The following CACNA1C variants were observed in gnomAD, a reference collection of about 807,000 sequenced individuals.
CACNA1C encodes calcium voltage-gated channel subunit alpha1 C.
Under a neutral mutation model 229.0 loss-of-function variants are expected in CACNA1C, and 30 were observed. That is an observed-to-expected ratio of 0.13 (90% CI 0.10 to 0.18). CACNA1C has a LOEUF of 0.18. Ranked by LOEUF, CACNA1C falls within the 10% of genes least tolerant of loss-of-function variation. CACNA1C has a pLI of 1.00. For missense variants in CACNA1C, 1,658 were observed against 2,845.0 expected, an observed-to-expected ratio of 0.58 and a Z score of 9.49; for synonymous variants, 1,114 against 1,132.5, an observed-to-expected ratio of 0.98 and a Z score of 0.33.
Position 2,054,525 on chromosome 12 carries a change from A to C in CACNA1C, c.49+914A>C, listed in dbSNP as rs1169905241. On this transcript the variant is annotated intron_variant, in intron 1 of 46. Coordinates refer to ENST00000399655, the MANE Select transcript of CACNA1C (RefSeq NM_000719.7). The surrounding 1 kb of genome is among the most constrained non-coding windows in gnomAD (Gnocchi z 5.5). ...TCACCAGCTCCCCCTGTGATGGTGA[A>C]AGGCAGTCAGGTAACTCCCTACTTC... Among the ~76,000 whole-genome samples the C allele has an allele frequency of 3.3e-5, 5 of 152,088 alleles. No individual in the cohort carries two copies.
intron 6 of CACNA1C, among the ~76,000 whole-genome samples, chr12:2,489,182 A>G (rs1400597084): frequency 1.3e-5 from 2 of 152,318 alleles, no homozygotes; most frequent in South Asian, 2.1e-4. Context: ...TAGATTACAC[A>G]AAAGTGCTTT....
intron 1 of CACNA1C, among the ~76,000 whole-genome samples, chr12:2,092,941 A>G (rs1026433826): frequency 1.3e-5 from 2 of 152,194 alleles, no homozygotes; most frequent in Admixed American, 6.5e-5. Flanking sequence ...CCCTTCACCT[A>G]AAACCATTGC....
intron 9 of CACNA1C, among the ~76,000 whole-genome samples, chr12:2,533,540 C>T (rs1245336606): frequency 2.0e-5 from 3 of 152,214 alleles, no homozygotes; most frequent in East Asian, 3.9e-4. Context: ...TGGAAGTCCC[C>T]AGCCATGTTC....
intron 3 of CACNA1C, among the ~76,000 whole-genome samples, chr12:2,386,592 T>C (rs949178138): frequency 5.3e-5 from 8 of 152,214 alleles, no homozygotes; most frequent in Non-Finnish European, 1.2e-4. Flanking sequence ...CTCAGTACTT[T>C]GTCCTGTGTG....
chr12:2,106,612 C>G (rs1161308539), intron 1 of CACNA1C, among the ~76,000 whole-genome samples: 1 of 105,354 alleles, frequency 9.5e-6, no homozygotes, highest in African/African-American at 3.5e-5. Flanking sequence ...GTTTCCACCT[C>G]AGCTGGGCAT....
chr12:2,407,238 T>A (rs1480843456), intron 3 of CACNA1C, among the ~76,000 whole-genome samples: 1 of 152,218 alleles, frequency 6.6e-6, no homozygotes, highest in Non-Finnish European at 1.5e-5. Context: ...CTAGTTGGGG[T>A]GGAAGTTCAG....
chr12:2,453,745 C>A (rs1490389508), intron 4 of CACNA1C, among the ~76,000 whole-genome samples: 1 of 152,194 alleles, frequency 6.6e-6, no homozygotes, highest in African/African-American at 2.4e-5. Context: ...GCCAACTTTT[C>A]TGTAAGGGCC....
intron 1 of CACNA1C, among the ~76,000 whole-genome samples, chr12:2,057,591 T>G (rs1594601151): frequency 6.6e-6 from 1 of 152,182 alleles, no homozygotes; most frequent in Non-Finnish European, 1.5e-5. Context: ...GCGGCATCAC[T>G]GAGGGACCCA....
intron 1 of CACNA1C, among the ~76,000 whole-genome samples, chr12:1,998,491 C>T (rs1398512811): frequency 6.6e-6 from 1 of 152,112 alleles, no homozygotes; most frequent in Non-Finnish European, 1.5e-5. Context: ...GCAATGATGC[C>T]ACAGAGTTCT....
chr12:2,613,221 C>T (rs73038815), intron 29 of CACNA1C: 2,611 of 152,256 alleles, frequency 0.017, 28 homozygotes, highest in Middle Eastern at 0.027. Context: ...TGTATATCAT[C>T]GCACGTCATT....
intron 3 of CACNA1C, among the ~76,000 whole-genome samples, chr12:2,237,970 T>C (rs1273627586): frequency 6.6e-6 from 1 of 152,204 alleles, no homozygotes; most frequent in African/African-American, 2.4e-5. Flanking sequence ...TAGGTTTTAG[T>C]ATTGAAGACC....
Position 2,679,801 on chromosome 12 carries a change from G to T in CACNA1C, c.5444+5G>T, listed in dbSNP as rs1471057360. ...GTGGAAGCTCAGCTCCAACAGGTAA[G>T]TGGGAGGCTGGCCACCCCAGGCGGC... On this transcript the variant is annotated splice_donor_5th_base_variant and intron_variant, in intron 42 of 46. Transcript: ENST00000399655. This position sits in a 1 kb window ranked among gnomAD's most constrained non-coding sequence, Gnocchi z 5.5. The T allele has an allele frequency of 6.5e-7, 1 of 1,545,896 alleles. No individual in the cohort carries two copies. The highest frequency in any genetic ancestry group is 8.8e-7 in the Non-Finnish European group (1 of 1,141,644).
chr12:2,378,082 G>A (rs1594661913), intron 3 of CACNA1C, among the ~76,000 whole-genome samples: 1 of 152,146 alleles, frequency 6.6e-6, no homozygotes, highest in East Asian at 1.9e-4. Flanking sequence ...TCTGCCAGGA[G>A]CTCACTGGAC....
At position 2,605,867 on chromosome 12, in the gene CACNA1C, C is replaced by T; in HGVS notation, c.3156+81C>T. 2.1e-6 allele frequency: 2 copies of T among 968,668 alleles called. No individual in the cohort carries two copies. The highest frequency in any genetic ancestry group is 4.2e-4 in the Middle Eastern group (2 of 4,752). The allele number at this position is 968,668 out of a possible 1,614,324, so 60.0% of individuals were successfully genotyped here. On this transcript the variant is annotated intron_variant, in intron 24 of 46. Coordinates refer to ENST00000399655, the MANE Select transcript of CACNA1C (RefSeq NM_000719.7). This position sits in a 1 kb window ranked among gnomAD's most constrained non-coding sequence, Gnocchi z 6.2. ...GGGAAGGGAACTGGCAGATATAGTACAAACGAGACAGTGTCCTGAGCCAGA... is the reference window on the plus strand; with the variant it reads ...GGGAAGGGAACTGGCAGATATAGTATAAACGAGACAGTGTCCTGAGCCAGA...
chr12:2,072,443 G>A (rs141074651), intron 1 of CACNA1C, among the ~76,000 whole-genome samples: 3,337 of 152,024 alleles, frequency 0.022, 107 homozygotes, highest in African/African-American at 0.075. Context: ...CAGGCAATCC[G>A]CCCGCCTCGG....
In CACNA1C at chr12:2,605,648, A is replaced by ACGTCCCTCTCCC; in HGVS notation, c.3049-23_3049-12dup. 6.5e-7 allele frequency: 1 copy of ACGTCCCTCTCCC among 1,544,048 alleles called. No homozygotes were observed. Among genetic ancestry groups the ACGTCCCTCTCCC allele is most frequent in the Non-Finnish European group, 9.0e-7 (1 of 1,116,542 alleles). ...AAGGCTCCTGGCATCTCCTGAAGCC[A>ACGTCCCTCTCCC]CGTCCCTCTCCCCGTCCCTTCCCAC... On this transcript the variant is annotated intron_variant, in intron 23 of 46. Transcript: ENST00000399655. This position sits in a 1 kb window ranked among gnomAD's most constrained non-coding sequence, Gnocchi z 6.2.
chr12:2,496,236 C>T (rs1447411670), intron 7 of CACNA1C, among the ~76,000 whole-genome samples: 2 of 152,178 alleles, frequency 1.3e-5, no homozygotes, highest in Non-Finnish European at 2.9e-5. Flanking sequence ...CCTCATGGTG[C>T]TGGTATGATG....
chr12:2,695,570 C>T lies in CACNA1C; in HGVS notation c.*4371C>T, dbSNP rs1265758265. On this transcript the variant is annotated 3_prime_UTR_variant, in exon 47 of 47. Transcript: ENST00000399655. Reference sequence around the variant, plus strand: ...GATTTGAGGAGGTTGAGGGGGAAGACAGGAGGGAAAGAAAAGTCCTACAAC... The same window carrying T: ...GATTTGAGGAGGTTGAGGGGGAAGATAGGAGGGAAAGAAAAGTCCTACAAC... The T allele has an allele frequency of 3.3e-5, 5 of 152,298 alleles. No homozygotes were observed. The highest frequency in any genetic ancestry group is 2.1e-4 in the South Asian group (1 of 4,832). The allele number at this position is 152,298 out of a possible 1,614,324, so 9.4% of individuals were successfully genotyped here. A position where few individuals can be genotyped will look rare whatever the true frequency, so the allele number is the denominator to read the frequency against.
intron 3 of CACNA1C, among the ~76,000 whole-genome samples, chr12:2,182,131 CAAAAAAAA>C (rs56365126): frequency 2.8e-3 from 247 of 86,694 alleles, no homozygotes; most frequent in Admixed American, 5.5e-3. Context: ...TTTCTGTCTG[CAAAAAAAA>C]AAAAAAAAAA....
Sources: allele counts gnomAD v4.1 joint callset (sites outside exome capture counted in the v4.1 genomes callset), GRCh38; gene constraint gnomAD v4.1.1; non-coding constraint Gnocchi (gnomAD v3.1); transcripts MANE v1.5; gene names NCBI Gene and HGNC (gene_info 2026-07-23, HGNC 2026-07-21).